Variants in SASH1 observed in about 807,000 individuals in gnomAD.
SASH1 encodes the protein SAM and SH3 domain-containing protein 1.
A neutral mutation model predicts 125.2 loss-of-function variants in SASH1; 44 were observed. The observed-to-expected ratio is 0.35, with a 90% CI of 0.28 to 0.45. SASH1 has a LOEUF of 0.45. Ranked by LOEUF, SASH1 falls within the 20% of genes least tolerant of loss-of-function variation. SASH1 has a pLI of 1.00. For synonymous variants in SASH1, 639 were observed against 649.1 expected (o/e 0.98, Z 0.24); for missense variants, 1,426 against 1,614.5 (o/e 0.88, Z 2.00).
chr6:148,329,884 G>A (rs1780940566), intron 1 of SASH1, among the ~76,000 whole-genome samples: 1 of 152,000 alleles, frequency 6.6e-6, no homozygotes, highest in Non-Finnish European at 1.5e-5. Context: ...GAATGGGAGT[G>A]TCTCTTTGTA....
intron 1 of SASH1, among the ~76,000 whole-genome samples, chr6:148,373,264 C>G (rs1782766863): frequency 6.6e-6 from 1 of 152,068 alleles, no homozygotes. Context: ...ACATGATATT[C>G]TTGAGAAGAG....
chr6:148,235,242 A>G, the SASH1 span, among the ~76,000 whole-genome samples: 5 of 152,222 alleles, frequency 3.3e-5, no homozygotes, highest in Admixed American at 6.5e-5. Flanking sequence ...GGTTGTAGGT[A>G]GATTAACAGC....
At chr6:148,401,784 G>A (rs1364890560) in intron 2 of SASH1, among the ~76,000 whole-genome samples, 1 of 143,682 alleles carries the variant, frequency 7.0e-6, no homozygotes, top group African/African-American at 2.5e-5. Flanking sequence ...GGATGTGTGT[G>A]TGGGGGGGTG....
At chr6:148,307,783 A>T (rs1780183655) in intron 1 of SASH1, among the ~76,000 whole-genome samples, 1 of 152,136 alleles carries the variant, frequency 6.6e-6, no homozygotes, top group Non-Finnish European at 1.5e-5. Flanking sequence ...GTGGAAAGCA[A>T]ATCACTTAGT....
chr6:148,234,909 C>G, the SASH1 span, among the ~76,000 whole-genome samples: 1 of 151,770 alleles, frequency 6.6e-6, no homozygotes, highest in Admixed American at 6.6e-5. Flanking sequence ...TCTGAAAATG[C>G]TTATTCTCTA....
At chr6:148,401,744 G>T (rs756668998) in intron 2 of SASH1, among the ~76,000 whole-genome samples, 1 of 152,094 alleles carries the variant, frequency 6.6e-6, no homozygotes, top group Non-Finnish European at 1.5e-5. Flanking sequence ...AACCAAATTG[G>T]AAGCACATCA....
intron 1 of SASH1, among the ~76,000 whole-genome samples, chr6:148,304,220 C>T (rs1253318465): frequency 2.0e-5 from 3 of 151,976 alleles, no homozygotes; most frequent in Admixed American, 6.6e-5. Flanking sequence ...GGGCGGATCA[C>T]GAGGTCAGAA....
At chr6:148,347,897 G>T (rs978893743) in intron 1 of SASH1, among the ~76,000 whole-genome samples, 2 of 152,216 alleles carry the variant, frequency 1.3e-5, no homozygotes, top group Non-Finnish European at 1.5e-5. Flanking sequence ...GCTTCCAGGT[G>T]TAAAAGACTT....
intron 2 of SASH1, among the ~76,000 whole-genome samples, chr6:148,408,349 G>A (rs947348690): frequency 1.5e-4 from 22 of 149,954 alleles, no homozygotes; most frequent in African/African-American, 4.4e-4. Flanking sequence ...CTTGTGATCC[G>A]CCCGCCTCAG....
intron 7 of SASH1, among the ~76,000 whole-genome samples, chr6:148,475,864 T>A (rs1778316646): frequency 6.6e-6 from 1 of 152,126 alleles, no homozygotes; most frequent in African/African-American, 2.4e-5. Flanking sequence ...CATGGTAGAG[T>A]TTAATCTATA....
At chr6:148,350,196 T>G (rs1441509045) in intron 1 of SASH1, among the ~76,000 whole-genome samples, 1 of 152,152 alleles carries the variant, frequency 6.6e-6, no homozygotes, top group Non-Finnish European at 1.5e-5. Flanking sequence ...GCCTCACACC[T>G]GTAATCCCAC....
intron 7 of SASH1, among the ~76,000 whole-genome samples, chr6:148,478,272 C>T (rs1333457133): frequency 6.6e-6 from 1 of 152,166 alleles, no homozygotes; most frequent in Non-Finnish European, 1.5e-5. Flanking sequence ...TTGGAAGCAA[C>T]CTAAGTGTCC....
chr6:148,334,612 G>T (rs1386284164), intron 1 of SASH1, among the ~76,000 whole-genome samples: 1 of 151,858 alleles, frequency 6.6e-6, no homozygotes, highest in Non-Finnish European at 1.5e-5. Context: ...AGGACTTCGA[G>T]ACCAGCCTGG....
In SASH1 at chr6:148,386,513, C is replaced by A. The variant is rs79607715; in HGVS notation, c.157-3621C>A. 9.3e-3 allele frequency among the ~76,000 whole-genome samples: 1,418 copies of A among 152,304 alleles called. 13 individuals are homozygous for A. Among genetic ancestry groups the A allele is most frequent in the East Asian group, 0.035 (181 of 5,182 alleles). ...AAGAGACAGAGAGAGTGATGGATTT[C>A]TATTCCAGACCAGAAAGCCACAGGG... On this transcript the variant is annotated intron_variant, in intron 1 of 19. Transcript: ENST00000367467.
At position 148,452,962 on chromosome 6, in the gene SASH1, C is replaced by T. The variant is rs117874693; in HGVS notation, c.386+12555C>T. Reference sequence around the variant, plus strand: ...GCGTGCGTTTGTGCAGGCATAACTGCGTCCACACGTGTGTGTGCACGCGTG... The same window carrying T: ...GCGTGCGTTTGTGCAGGCATAACTGTGTCCACACGTGTGTGTGCACGCGTG... On this transcript the variant is annotated intron_variant, in intron 4 of 19. Coordinates refer to ENST00000367467, the MANE Select transcript of SASH1 (RefSeq NM_015278.5). Among the ~76,000 whole-genome samples, 169 of 152,382 alleles carry T rather than the reference C, an allele frequency of 1.1e-3. 1 individual carries two copies. The East Asian group carries it at 0.017, about 15-fold the overall frequency.
chr6:148,381,613 C>CTTTTT (rs1554247833), intron 1 of SASH1, among the ~76,000 whole-genome samples: 23 of 67,168 alleles, frequency 3.4e-4, no homozygotes, highest in Admixed American at 5.5e-4. Flanking sequence ...GCCTTTCTTG[C>CTTTTT]TTTCTTTTTT....
chr6:148,334,842 C>T (rs991810815), intron 1 of SASH1, among the ~76,000 whole-genome samples: 2 of 148,278 alleles, frequency 1.3e-5, no homozygotes, highest in African/African-American at 2.5e-5. Flanking sequence ...GGTATGGTAG[C>T]GGGAACCTGT....
At chr6:148,360,642 C>CG (rs957475138) in intron 1 of SASH1, among the ~76,000 whole-genome samples, 3 of 128,796 alleles carry the variant, frequency 2.3e-5, no homozygotes, top group East Asian at 2.2e-4. Flanking sequence ...AGCCACCCCC[C>CG]CGCCAGGCTT....
chr6:148,448,523 T>C (rs777720157), intron 4 of SASH1, among the ~76,000 whole-genome samples: 4 of 152,054 alleles, frequency 2.6e-5, no homozygotes, highest in Non-Finnish European at 5.9e-5. Flanking sequence ...ACTTCTCTCA[T>C]CTCCCTTGGT....
Sources: allele counts gnomAD v4.1 joint callset (sites outside exome capture counted in the v4.1 genomes callset), GRCh38; gene constraint gnomAD v4.1.1; transcripts MANE v1.5; gene names NCBI Gene and HGNC (gene_info 2026-07-23, HGNC 2026-07-21).